ANXA3: variants seen among roughly 807,000 people sequenced by gnomAD.
ANXA3 encodes the protein 35-alpha calcimedin.
Under a neutral mutation model 48.8 loss-of-function variants are expected in ANXA3, and 46 were observed. The ratio of observed to expected loss-of-function variants is 0.94; its 90% CI spans 0.74 to 1.21. ANXA3 has a LOEUF of 1.21. Among genes scored for constraint, ANXA3 ranks in the 50% most tolerant of loss-of-function variants. The probability of loss-of-function intolerance (pLI) is 0.00; values close to 1 mark genes in which losing one functional copy is unlikely to be tolerated. For missense variants in ANXA3, 383 were observed against 378.6 expected, an observed-to-expected ratio of 1.01 and a Z score of -0.10; for synonymous variants, 128 against 134.7, an observed-to-expected ratio of 0.95 and a Z score of 0.35.
intron 5 of ANXA3, 47 bp downstream of exon 5, chr4:78,582,337 A>T (rs1723089960): frequency 1.5e-6 from 2 of 1,353,868 alleles, no homozygotes; most frequent in Non-Finnish European, 2.1e-6. Context: ...TGACCAAGTC[A>T]TCAAAAATAG....
chr4:78,577,972 A>G (rs1700935430), intron 3 of ANXA3, among the ~76,000 whole-genome samples: 1 of 152,090 alleles, frequency 6.6e-6, no homozygotes, highest in African/African-American at 2.4e-5. Flanking sequence ...TTCATTTTGT[A>G]TATGGGTTTG....
At chr4:78,599,564 G>A (rs144341408) in intron 10 of ANXA3, among the ~76,000 whole-genome samples, 4 of 152,196 alleles carry the variant, frequency 2.6e-5, no homozygotes, top group Admixed American at 6.5e-5. Flanking sequence ...TGAAAGACTG[G>A]GCTGGGTGTG....
chr4:78,554,305 T>G, intron 1 of ANXA3, 131 bp from the exon 2 acceptor site: 4 of 668,194 alleles, frequency 6.0e-6, no homozygotes, highest in Non-Finnish European at 1.1e-5. Flanking sequence ...GTCAGATATA[T>G]GCTCTTCCTG....
chr4:78,606,836 A>G (rs1433233820), intron 12 of ANXA3, among the ~76,000 whole-genome samples: 1 of 152,230 alleles, frequency 6.6e-6, no homozygotes, highest in Non-Finnish European at 1.5e-5. Context: ...AACTTACTCA[A>G]AAAGGCAATT....
intron 2 of ANXA3, among the ~76,000 whole-genome samples, chr4:78,561,449 G>A (rs919585105): frequency 7.9e-5 from 12 of 152,236 alleles, no homozygotes; most frequent in Middle Eastern, 3.4e-3. Context: ...CCAGCCCTGG[G>A]CATTTGGATG....
chr4:78,593,244 C>T (rs901206318), intron 7 of ANXA3, among the ~76,000 whole-genome samples: 1 of 150,792 alleles, frequency 6.6e-6, no homozygotes, highest in Non-Finnish European at 1.5e-5. Flanking sequence ...ACTCTGTCAT[C>T]CAGACTGGAG....
chr4:78,561,186 A>G (rs1336505181), intron 2 of ANXA3, among the ~76,000 whole-genome samples: 1 of 152,184 alleles, frequency 6.6e-6, no homozygotes, highest in Non-Finnish European at 1.5e-5. Flanking sequence ...ACCCTTGCAG[A>G]TAGGAAAAGC....
intron 2 of ANXA3, among the ~76,000 whole-genome samples, chr4:78,564,355 A>G (rs1007163926): frequency 1.3e-5 from 2 of 152,258 alleles, no homozygotes; most frequent in Non-Finnish European, 2.9e-5. Context: ...TTTCTAGACT[A>G]TTGATACTTG....
intron 5 of ANXA3, chr4:78,582,551 G>A (rs1007409065): frequency 7.6e-6 from 3 of 392,182 alleles, no homozygotes; most frequent in Non-Finnish European, 1.4e-5. Context: ...AAAGTAAATA[G>A]CACTATGATT....
At chr4:78,556,484 CCTT>C (rs1419030415) in intron 2 of ANXA3, among the ~76,000 whole-genome samples, 1 of 151,704 alleles carries the variant, frequency 6.6e-6, no homozygotes, top group African/African-American at 2.4e-5. Context: ...CAATATATCA[CCTT>C]CTGTACTGTT....
intron 7 of ANXA3, among the ~76,000 whole-genome samples, chr4:78,592,125 C>T (rs1157332973): frequency 1.3e-5 from 2 of 152,124 alleles, no homozygotes; most frequent in Admixed American, 6.5e-5. Flanking sequence ...TTCAGCCTTG[C>T]CACCTTGGAA....
At chr4:78,554,393 A>T in intron 1 of ANXA3, 43 bp from the exon 2 acceptor site, 1 of 1,300,004 alleles carries the variant, frequency 7.7e-7, no homozygotes, top group South Asian at 1.2e-5. Flanking sequence ...TTGTGTTCTG[A>T]ATCACATATT....
chr4:78,608,052 G>A (rs10029214), intron 12 of ANXA3, among the ~76,000 whole-genome samples: 78,295 of 151,862 alleles, frequency 0.52, 21,789 homozygotes, highest in Non-Finnish European at 0.63. Context: ...TGAGATCAGC[G>A]AATTCACTCA....
intron 2 of ANXA3, among the ~76,000 whole-genome samples, chr4:78,558,121 G>C (rs989063281): frequency 3.3e-5 from 5 of 152,210 alleles, no homozygotes; most frequent in Admixed American, 2.0e-4. Flanking sequence ...AGTATGTTAA[G>C]TGAAAAAGCC....
At chr4:78,604,767 T>C (rs1723614254) in intron 12 of ANXA3, among the ~76,000 whole-genome samples, 1 of 152,234 alleles carries the variant, frequency 6.6e-6, no homozygotes, top group African/African-American at 2.4e-5. Flanking sequence ...CTGTTTTACA[T>C]GAGACAGCAT....
chr4:78,604,110 T>A (rs1455942606), intron 11 of ANXA3, 167 bp from the exon 12 acceptor site: 1 of 603,410 alleles, frequency 1.7e-6, no homozygotes, highest in African/African-American at 1.9e-5. Flanking sequence ...GAGTAGGTGC[T>A]CAACAAATAT....
chr4:78,570,975 A>T (rs1722831015), intron 2 of ANXA3: 1 of 152,186 alleles, frequency 6.6e-6, no homozygotes, highest in Admixed American at 6.5e-5. Flanking sequence ...TTCATCAAAA[A>T]TTATATTAAA....
At chr4:78,580,663 T>A (rs1452938332) in intron 4 of ANXA3, among the ~76,000 whole-genome samples, 1 of 152,208 alleles carries the variant, frequency 6.6e-6, no homozygotes, top group Non-Finnish European at 1.5e-5. Context: ...AGGAATTACC[T>A]CCTGGGAGTG....
chr4:78,601,463 C>G lies in ANXA3; in HGVS notation c.731-47C>G, dbSNP rs762546315. On this transcript the variant is annotated intron_variant, in intron 10 of 12. Transcript: ENST00000264908. ...AACATATTACTTACTATAGATTAAC[C>G]CAATTTCTATTCCGTGAAGCTGAAC... The G allele has an allele frequency of 7.0e-6, 11 of 1,569,020 alleles. No individual in the cohort carries two copies. In the South Asian group the frequency reaches 1.0e-4, roughly 14 times the overall value.
Sources: gnomAD v4.1 joint callset for allele counts (sites outside exome capture counted in the v4.1 genomes callset) on GRCh38, gnomAD v4.1.1 for gene constraint, MANE v1.5 for transcripts, NCBI Gene and HGNC (gene_info 2026-07-23, HGNC 2026-07-21) for gene names.